The following WFDC8 variants were observed in gnomAD, a reference collection of about 807,000 sequenced individuals.
The protein encoded by WFDC8 is WAP four-disulfide core domain 8.
A neutral mutation model predicts 27.0 loss-of-function variants in WFDC8; 24 were observed. The observed-to-expected ratio is 0.89, with a 90% CI of 0.64 to 1.25. WFDC8 has a LOEUF of 1.25. Ranked by LOEUF, WFDC8 falls within the 50% of genes most tolerant of loss-of-function variation. The pLI, the probability that WFDC8 is intolerant of heterozygous loss-of-function variation, is 0.00. For synonymous variants in WFDC8, 106 were observed against 99.7 expected, an observed-to-expected ratio of 1.06 and a Z score of -0.38; for missense variants, 287 against 295.9, an observed-to-expected ratio of 0.97 and a Z score of 0.22.
At chr20:45,557,542 C>A (rs1187137822) in intron 3 of WFDC8, among the ~76,000 whole-genome samples, 2 of 152,152 alleles carry the variant, frequency 1.3e-5, no homozygotes, top group Non-Finnish European at 2.9e-5. Context: ...AAGCAATTCT[C>A]CTGCCTCAGC....
intron 1 of WFDC8, chr20:45,568,677 G>T: frequency 1.9e-6 from 1 of 536,772 alleles, no homozygotes; most frequent in South Asian, 1.4e-5. Flanking sequence ...GATAGCAGGT[G>T]AACCACAAAA....
intron 4 of WFDC8, among the ~76,000 whole-genome samples, chr20:45,555,004 C>T (rs1443692434): frequency 2.0e-4 from 31 of 152,118 alleles, no homozygotes; most frequent in Admixed American, 2.0e-3. Context: ...TTTAGTGAGC[C>T]CACACCACGG....
intron 1 of WFDC8, among the ~76,000 whole-genome samples, chr20:45,578,968 G>A (rs180865825): frequency 2.7e-4 from 41 of 152,100 alleles, no homozygotes; most frequent in Admixed American, 1.4e-3. Flanking sequence ...TTAGCCGAGC[G>A]TGGTGGCGCA....
intron 1 of WFDC8, 42 bp downstream of exon 1, chr20:45,579,180 C>A (rs765925579): frequency 1.6e-5 from 25 of 1,605,508 alleles, no homozygotes; most frequent in Non-Finnish European, 2.1e-5. Flanking sequence ...GGGCTCAGAC[C>A]CTCCATGTCT....
At chr20:45,567,672 G>T (rs191998705) in intron 1 of WFDC8, among the ~76,000 whole-genome samples, 1 of 152,196 alleles carries the variant, frequency 6.6e-6, no homozygotes, top group East Asian at 1.9e-4. Context: ...ACTCTCCACC[G>T]CCACTGAATT....
intron 1 of WFDC8, among the ~76,000 whole-genome samples, chr20:45,565,250 C>G (rs774342655): frequency 2.0e-5 from 3 of 152,084 alleles, no homozygotes; most frequent in Non-Finnish European, 4.4e-5. Flanking sequence ...GTTTTACCTC[C>G]GTCTACCCAT....
At chr20:45,558,829 G>A (rs1171423998) in intron 3 of WFDC8, 23 bp downstream of exon 3, 1 of 1,613,762 alleles carries the variant, frequency 6.2e-7, no homozygotes, top group South Asian at 1.1e-5. Context: ...GGGAACCTCT[G>A]TCCTCAGCCT....
intron 5 of WFDC8, among the ~76,000 whole-genome samples, chr20:45,552,813 C>T (rs959091518): frequency 1.1e-4 from 16 of 152,188 alleles, no homozygotes; most frequent in Non-Finnish European, 2.2e-4. Flanking sequence ...ATTAGGAATA[C>T]ACCTCATGGT....
At chr20:45,553,314 C>A in intron 4 of WFDC8, 38 bp from the exon 5 acceptor site, 2 of 1,590,188 alleles carry the variant, frequency 1.3e-6, no homozygotes, top group African/African-American at 1.3e-5. Flanking sequence ...TAAAACCCCA[C>A]CCCCATCCCA....
intron 1 of WFDC8, chr20:45,568,083 C>A (rs1169586364): frequency 8.3e-6 from 3 of 361,154 alleles, no homozygotes; most frequent in South Asian, 3.0e-5. Context: ...TGTTGCTGTG[C>A]GCAGGTGCTG....
chr20:45,558,493 C>T (rs6017618), intron 3 of WFDC8, among the ~76,000 whole-genome samples: 58,316 of 152,110 alleles, frequency 0.38, 11,654 homozygotes, highest in Non-Finnish European at 0.43. Context: ...TACATTGAGT[C>T]ACCAGAAAAC....
intron 4 of WFDC8, among the ~76,000 whole-genome samples, chr20:45,553,699 G>A (rs1980131115): frequency 1.3e-5 from 2 of 152,174 alleles, no homozygotes. Flanking sequence ...GTTTATAATA[G>A]ATTGTAAGGA....
chr20:45,557,048 C>T (rs561205885), intron 3 of WFDC8, among the ~76,000 whole-genome samples: 5 of 152,308 alleles, frequency 3.3e-5, no homozygotes, highest in African/African-American at 1.2e-4. Flanking sequence ...AACTGCAGTG[C>T]CTGCAGCCAG....
At chr20:45,553,459 G>C (rs1277281971) in intron 4 of WFDC8, among the ~76,000 whole-genome samples, 183 bp from the exon 5 acceptor site, 3 of 152,188 alleles carry the variant, frequency 2.0e-5, no homozygotes. Flanking sequence ...ATGGTAGAGA[G>C]CATGCTGGGC....
At chr20:45,568,615 C>G in intron 1 of WFDC8, 1 of 530,732 alleles carries the variant, frequency 1.9e-6, no homozygotes, top group African/African-American at 1.9e-5. Flanking sequence ...TTCCTGAATT[C>G]AGTGCGGACA....
intron 4 of WFDC8, among the ~76,000 whole-genome samples, 197 bp downstream of exon 4, chr20:45,555,504 A>G (rs1214201870): frequency 6.6e-6 from 1 of 152,198 alleles, no homozygotes; most frequent in Non-Finnish European, 1.5e-5. Context: ...GGTAAATACT[A>G]TTATTAACCT....
chr20:45,570,830 G>A (rs1200190398), intron 1 of WFDC8, among the ~76,000 whole-genome samples: 1 of 152,170 alleles, frequency 6.6e-6, no homozygotes, highest in Non-Finnish European at 1.5e-5. Flanking sequence ...TTAGCGTTTG[G>A]TATTGTAAAT....
At chr20:45,562,405 G>A (rs944717564) in intron 1 of WFDC8, among the ~76,000 whole-genome samples, 186 bp from the exon 2 acceptor site, 2 of 152,116 alleles carry the variant, frequency 1.3e-5, no homozygotes, top group Non-Finnish European at 1.5e-5. Flanking sequence ...AAGACATTCC[G>A]TTTCAGGACC....
chr20:45,558,825 C>G (rs1980361134), intron 3 of WFDC8, 27 bp downstream of exon 3: 8 of 1,613,486 alleles, frequency 5.0e-6, no homozygotes, highest in Non-Finnish European at 6.8e-6. Flanking sequence ...AGTGGGGAAC[C>G]TCTGTCCTCA....
Sources: allele counts gnomAD v4.1 joint callset (sites outside exome capture counted in the v4.1 genomes callset), GRCh38; gene constraint gnomAD v4.1.1; transcripts MANE v1.5; gene names NCBI Gene and HGNC (gene_info 2026-07-23, HGNC 2026-07-21).